The following ZHX3 variants were observed in gnomAD, a reference collection of about 807,000 sequenced individuals.
ZHX3 encodes the protein zinc fingers and homeoboxes 3, also known as zinc fingers and homeoboxes protein 3.
Under a neutral mutation model 64.5 loss-of-function variants are expected in ZHX3, and 20 were observed. That is an observed-to-expected ratio of 0.31 (90% CI 0.22 to 0.45). The LOEUF is 0.45. Among genes scored for constraint, ZHX3 ranks in the 20% least tolerant of loss-of-function variants. ZHX3 has a pLI of 1.00. For missense variants in ZHX3, 1,041 were observed against 1,195.8 expected, an observed-to-expected ratio of 0.87 and a Z score of 1.91; for synonymous variants, 423 against 461.6, an observed-to-expected ratio of 0.92 and a Z score of 1.07.
At chr20:41,256,637 T>A (rs2042268167) in intron 2 of ZHX3, among the ~76,000 whole-genome samples, 1 of 148,768 alleles carries the variant, frequency 6.7e-6, no homozygotes, top group East Asian at 2.0e-4. Context: ...AACCTGTGTA[T>A]CTAGCATGCC....
intron 2 of ZHX3, among the ~76,000 whole-genome samples, chr20:41,216,121 C>T (rs1053855462): frequency 2.0e-5 from 3 of 152,046 alleles, no homozygotes; most frequent in Non-Finnish European, 4.4e-5. Context: ...CTTGAGTATT[C>T]TATAGTAATT....
chr20:41,221,598 A>T (rs2039949172), intron 2 of ZHX3, among the ~76,000 whole-genome samples: 1 of 152,220 alleles, frequency 6.6e-6, no homozygotes, highest in Non-Finnish European at 1.5e-5. Flanking sequence ...TAAGAAAATG[A>T]AATTATGTGT....
chr20:41,294,519 C>T (rs2044408486), intron 1 of ZHX3, among the ~76,000 whole-genome samples: 1 of 151,932 alleles, frequency 6.6e-6, no homozygotes, highest in South Asian at 2.1e-4. Flanking sequence ...CCCCCCACCA[C>T]ACCTGGGTAA....
At chr20:41,246,134 G>GTCTC (rs1486491098) in intron 2 of ZHX3, among the ~76,000 whole-genome samples, 1 of 152,182 alleles carries the variant, frequency 6.6e-6, no homozygotes, top group Non-Finnish European at 1.5e-5. Context: ...CCTCATGACA[G>GTCTC]TAGAATGAAT....
At chr20:41,256,839 T>C (rs560126569) in intron 2 of ZHX3, among the ~76,000 whole-genome samples, 7 of 152,018 alleles carry the variant, frequency 4.6e-5, no homozygotes, top group South Asian at 2.1e-4. Flanking sequence ...ATTTTTAAAA[T>C]AGATTTAGGT....
Position 41,228,724 on chromosome 20 carries a change from A to C in ZHX3, c.-150-23658T>G, listed in dbSNP as rs1208502561. 6.6e-6 allele frequency among the ~76,000 whole-genome samples: 1 copy of C among 152,196 alleles called. No individual in the cohort carries two copies. Among genetic ancestry groups the C allele is most frequent in the East Asian group, 1.9e-4 (1 of 5,200 alleles). On this transcript the variant is annotated intron_variant, in intron 2 of 3. Transcript: ENST00000683867. This position sits in a 1 kb window ranked among gnomAD's most constrained non-coding sequence, Gnocchi z 4.6. ...TTAGGGATTAAAATTTCAACACGTG[A>C]ATTTTAGGAGATACATTCAGTCCAC...
chr20:41,236,319 T>A (rs1288282819), intron 2 of ZHX3, among the ~76,000 whole-genome samples: 1 of 152,066 alleles, frequency 6.6e-6, no homozygotes, highest in Non-Finnish European at 1.5e-5. Flanking sequence ...GCCAAGTCAA[T>A]CTAAGCCAAA....
At position 41,184,294 on chromosome 20, in the gene ZHX3, G is replaced by T. The variant is rs1211917496; in HGVS notation, c.*897C>A. 6.6e-6 allele frequency: 1 copy of T among 151,740 alleles called. No individual in the cohort carries two copies. The highest frequency in any genetic ancestry group is 1.5e-5 in the Non-Finnish European group (1 of 67,872). 9.4% of individuals were successfully genotyped at this position (151,740 alleles called of 1,614,324 possible). Reference sequence around the variant, plus strand: ...ATTTCCACTTACGTCCCTACCCCATGTCTTTTTTCCATCTTTCTCTCACTC... The same window carrying T: ...ATTTCCACTTACGTCCCTACCCCATTTCTTTTTTCCATCTTTCTCTCACTC... On this transcript the variant is annotated 3_prime_UTR_variant, in exon 4 of 4. Coordinates refer to ENST00000683867, the MANE Select transcript of ZHX3 (RefSeq NM_001384317.1).
chr20:41,234,492 C>T (rs959133824), intron 2 of ZHX3, among the ~76,000 whole-genome samples: 4 of 152,102 alleles, frequency 2.6e-5, no homozygotes, highest in African/African-American at 9.7e-5. Context: ...CAACTCCTAC[C>T]CTCAAATCAG....
At chr20:41,198,642 G>C (rs1464377884) in intron 3 of ZHX3, among the ~76,000 whole-genome samples, 2 of 151,944 alleles carry the variant, frequency 1.3e-5, no homozygotes, top group African/African-American at 4.8e-5. Flanking sequence ...TTCAGGTTTT[G>C]ACAATCCTAA....
intron 3 of ZHX3, among the ~76,000 whole-genome samples, chr20:41,191,984 G>A (rs944185538): frequency 6.6e-6 from 1 of 152,154 alleles, no homozygotes; most frequent in African/African-American, 2.4e-5. Context: ...GCTTTCGGGT[G>A]GCTTACTCAG....
chr20:41,198,326 C>T (rs892790778), intron 3 of ZHX3, among the ~76,000 whole-genome samples: 4 of 152,144 alleles, frequency 2.6e-5, no homozygotes, highest in Admixed American at 1.3e-4. Context: ...AGTTTCTGTT[C>T]AGTATCCTTT....
intron 2 of ZHX3, among the ~76,000 whole-genome samples, chr20:41,237,127 G>C (rs1006032252): frequency 6.6e-6 from 1 of 152,180 alleles, no homozygotes; most frequent in Non-Finnish European, 1.5e-5. Context: ...GTGCTAGAGA[G>C]GATCTGGAAA....
chr20:41,204,800 C>T lies in ZHX3; in HGVS notation c.117G>A (p.Gln39=). 6.2e-7 allele frequency: 1 copy of T among 1,613,154 alleles called. No individual in the cohort carries two copies. Residue 39 remains glutamine (Q), a synonymous_variant, in exon 3 of 4, where the codon CAG becomes CAA. Transcript: ENST00000683867. The surrounding 1 kb of genome is among the most constrained non-coding windows in gnomAD (Gnocchi z 6.6). ...CAGCAGATGCTTCTGGGGGCAGATC[C>T]TGCTGGGGTCCTTCAGGCAAGGTCT... The part of the protein sequence containing the change: ...PAETLPEGPQ[Q]DLPPEASAAS...
chr20:41,271,764 A>G (rs2043161062), intron 1 of ZHX3, among the ~76,000 whole-genome samples: 5 of 152,232 alleles, frequency 3.3e-5, no homozygotes. Context: ...AACAAAACAG[A>G]TGAGATACAA....
chr20:41,238,402 G>C (rs2041154780), intron 2 of ZHX3, among the ~76,000 whole-genome samples: 1 of 152,116 alleles, frequency 6.6e-6, no homozygotes, highest in Non-Finnish European at 1.5e-5. Context: ...GAAGGCAGCA[G>C]GGAGTGAAGG....
intron 2 of ZHX3, among the ~76,000 whole-genome samples, chr20:41,240,602 G>C (rs1388829919): frequency 6.6e-6 from 1 of 152,036 alleles, no homozygotes; most frequent in African/African-American, 2.4e-5. Flanking sequence ...GCAAATACTA[G>C]GTCTTATTCA....
chr20:41,255,124 A>G (rs1172494581), intron 2 of ZHX3, among the ~76,000 whole-genome samples: 1 of 152,118 alleles, frequency 6.6e-6, no homozygotes, highest in Non-Finnish European at 1.5e-5. Context: ...TCATGCCTGG[A>G]AAGGTCAAAA....
intron 1 of ZHX3, among the ~76,000 whole-genome samples, chr20:41,309,649 C>T (rs2045073295): frequency 1.3e-5 from 2 of 152,196 alleles, no homozygotes; most frequent in Admixed American, 6.5e-5. Context: ...CCATCTCCCT[C>T]GGGTAAAATC....
Sources: allele counts gnomAD v4.1 joint callset (sites outside exome capture counted in the v4.1 genomes callset), GRCh38; gene constraint gnomAD v4.1.1; non-coding constraint Gnocchi (gnomAD v3.1); transcripts MANE v1.5; gene names NCBI Gene and HGNC (gene_info 2026-07-23, HGNC 2026-07-21).